The following ALS2CL variants were observed in gnomAD, a reference collection of about 807,000 sequenced individuals.
ALS2CL encodes ALS2 C-terminal-like protein.
In ALS2CL, 112 loss-of-function variants were observed where a neutral mutation model predicts 127.9. The ratio of observed to expected loss-of-function variants is 0.88; its 90% CI spans 0.75 to 1.02. The LOEUF (loss-of-function observed/expected upper bound fraction) is 1.02. Among genes scored for constraint, ALS2CL ranks in the 50% least tolerant of loss-of-function variants. The pLI, the probability that ALS2CL is intolerant of heterozygous loss-of-function variation, is 0.00. For missense variants in ALS2CL, 1,174 were observed against 1,236.7 expected, an observed-to-expected ratio of 0.95 and a Z score of 0.76; for synonymous variants, 519 against 527.6, an observed-to-expected ratio of 0.98 and a Z score of 0.22.
chr3:46,685,843 C>A (rs1699725739), intron 6 of ALS2CL, among the ~76,000 whole-genome samples, 199 bp from the exon 7 acceptor site: 1 of 152,196 alleles, frequency 6.6e-6, no homozygotes. Flanking sequence ...GTGTCCCCTC[C>A]CACACCTCTG....
chr3:46,684,890 G>A (rs922262809), intron 7 of ALS2CL, among the ~76,000 whole-genome samples: 8 of 152,158 alleles, frequency 5.3e-5, no homozygotes, highest in East Asian at 3.9e-4. Flanking sequence ...GCCAGGCCCC[G>A]GCCACCTGTC....
chr3:46,686,630 C>T lies in ALS2CL; in HGVS notation c.535-191G>A, dbSNP rs371334301. Among the ~76,000 whole-genome samples the T allele has an allele frequency of 6.6e-6, 1 of 152,108 alleles. No individual in the cohort carries two copies. The highest frequency in any genetic ancestry group is 1.5e-5 in the Non-Finnish European group (1 of 68,006). The stretch of plus-strand genomic sequence containing the variant: ...CTTCCCCAGCTTGGCCCTGGGCCCA[C>T]GTGTCCTCATTCCCAGGACGTGATT... On this transcript the variant is annotated intron_variant, in intron 5 of 25. Coordinates refer to ENST00000318962, the MANE Select transcript of ALS2CL (RefSeq NM_147129.5). This position sits in a 1 kb window ranked among gnomAD's most constrained non-coding sequence, Gnocchi z 4.3.
Position 46,687,701 on chromosome 3 carries a change from G to GGAC in ALS2CL, c.303-20_303-18dup. On this transcript the variant is annotated splice_polypyrimidine_tract_variant and intron_variant, in intron 3 of 25. Coordinates refer to ENST00000318962, the MANE Select transcript of ALS2CL (RefSeq NM_147129.5). ...TCAATGTACCTGCAGGCAGCACAGGGGACACCCTGCAAACCCAGTCCTCAG... is the reference window on the plus strand; with the variant it reads ...TCAATGTACCTGCAGGCAGCACAGGGGACGACACCCTGCAAACCCAGTCCTCAG... 6.2e-7 allele frequency: 1 copy of GGAC among 1,608,292 alleles called. No homozygotes were observed. Among genetic ancestry groups the GGAC allele is most frequent in the Non-Finnish European group, 8.5e-7 (1 of 1,177,206 alleles).
chr3:46,674,328 C>T (rs920470018), intron 21 of ALS2CL, among the ~76,000 whole-genome samples: 2 of 152,130 alleles, frequency 1.3e-5, no homozygotes, highest in African/African-American at 2.4e-5. Flanking sequence ...GAACCTTGAG[C>T]GGTTGGTGCT....
chr3:46,673,917 G>A (rs564089370), intron 21 of ALS2CL, among the ~76,000 whole-genome samples: 2 of 152,348 alleles, frequency 1.3e-5, no homozygotes, highest in South Asian at 4.1e-4. Context: ...TGTGGGAGCA[G>A]AGACAGTGCC....
chr3:46,687,478 G>T, intron 4 of ALS2CL, 141 bp downstream of exon 4: 1 of 989,060 alleles, frequency 1.0e-6, no homozygotes, highest in Non-Finnish European at 1.5e-6. Flanking sequence ...GTGGATCAGT[G>T]CAGATTTGTA....
intron 19 of ALS2CL, 117 bp downstream of exon 19, chr3:46,676,128 G>C: frequency 2.0e-6 from 3 of 1,473,756 alleles, no homozygotes; most frequent in Non-Finnish European, 2.7e-6. Flanking sequence ...CCAAGCCTCT[G>C]GTTCATTGTT....
At position 46,675,625 on chromosome 3, in the gene ALS2CL, C is replaced by A; in HGVS notation, c.2248G>T (p.Glu750Ter). 6.2e-7 allele frequency: 1 copy of A among 1,613,846 alleles called. No individual in the cohort carries two copies. Among genetic ancestry groups the A allele is most frequent in the Non-Finnish European group, 8.5e-7 (1 of 1,180,002 alleles). The change falls in exon 20 of 26, where the codon GAG (glutamate) becomes TAG (stop). Residue 750 changes from glutamate (E) to a stop codon, truncating the protein, a stop_gained. Transcript: ENST00000318962. LOFTEE classifies it high-confidence loss of function. ...GAGACCTGCGCCAGTCACCTTGTCT[C>A]TGTGTCTTCATCCTCCTCCAGGGCC... is the stretch of plus-strand genomic sequence containing the variant. ...GQALEEDEDT[E>*]TRDLQVHGLV... is the part of the protein sequence containing the mutation.
rs1318510716 is a variant in ALS2CL at position 46,671,559 on chromosome 3, G to A, written c.2710C>T (p.His904Tyr). Reference protein sequence around the residue: ...ARIQHLGAEIHLIRDMMDPNH... With the variant: ...ARIQHLGAEIYLIRDMMDPNH... ...GGGTCCATCATGTCACGGATCAGGTGGATCTCGGCTCCCAGGTGCTGAATT... is the reference window on the plus strand; with the variant it reads ...GGGTCCATCATGTCACGGATCAGGTAGATCTCGGCTCCCAGGTGCTGAATT... Residue 904 changes from histidine to tyrosine, a missense_variant, in exon 25 of 26, where the codon CAC becomes TAC. His to Tyr is a moderately conservative substitution (Grantham distance 83, BLOSUM62 2). Transcript: ENST00000318962. 8 of 1,613,930 alleles carry A rather than the reference G, an allele frequency of 5.0e-6. No homozygotes were observed. Among genetic ancestry groups the A allele is most frequent in the Non-Finnish European group, 6.8e-6 (8 of 1,179,964 alleles).
chr3:46,676,575 T>C, intron 18 of ALS2CL, 67 bp downstream of exon 18: 1 of 1,575,396 alleles, frequency 6.3e-7, no homozygotes, highest in Non-Finnish European at 8.7e-7. Flanking sequence ...CTATGAAAAA[T>C]GGGAGCCCTT....
intron 1 of ALS2CL, among the ~76,000 whole-genome samples, chr3:46,690,882 C>T (rs1209165497): frequency 6.6e-6 from 1 of 152,238 alleles, no homozygotes; most frequent in East Asian, 1.9e-4. Context: ...GAGCCTACAA[C>T]TCCCAGGGAA....
rs190498068 is a variant in ALS2CL at position 46,669,030 on chromosome 3, T to G, written c.*1954A>C. 9.8e-4 allele frequency: 149 copies of G among 151,938 alleles called. No homozygotes were observed. The highest frequency in any genetic ancestry group is 1.7e-3 in the Non-Finnish European group (119 of 68,050). 9.4% of individuals were successfully genotyped at this position (151,938 alleles called of 1,614,324 possible). A position where few individuals can be genotyped will look rare whatever the true frequency, so the allele number is the denominator to read the frequency against. ...ATGCTCTTTTTTATTTATTTTATTTTTATTTTTATTTTTATTTTTGAGGCA... is the reference window on the plus strand; with the variant it reads ...ATGCTCTTTTTTATTTATTTTATTTGTATTTTTATTTTTATTTTTGAGGCA... On this transcript the variant is annotated 3_prime_UTR_variant, in exon 26 of 26. Coordinates refer to ENST00000318962, the MANE Select transcript of ALS2CL (RefSeq NM_147129.5).
In ALS2CL at chr3:46,683,216, G is replaced by A. The variant is rs1699494905; in HGVS notation, c.1023C>T (p.Arg341=). 1 of 1,609,558 alleles carries A rather than the reference G, an allele frequency of 6.2e-7. No homozygotes were observed. ...CTGCCTGGAAGGTATATTCTGCGCA[G>A]CGGCAGTCGGGAGGCTGGGAGGGCT... ...GLEPSQPPDC[R]CAEYTFQAEG... is the part of the protein sequence containing the mutation. Residue 341 remains arginine (R), a synonymous_variant, in exon 10 of 26, where the codon CGC becomes CGT. Transcript: ENST00000318962.
At chr3:46,685,158 G>A (rs533328002) in intron 7 of ALS2CL, among the ~76,000 whole-genome samples, 1 of 152,268 alleles carries the variant, frequency 6.6e-6, no homozygotes, top group African/African-American at 2.4e-5. Flanking sequence ...CTTTCTGTCT[G>A]GGGTTCCTCT....
intron 8 of ALS2CL, 29 bp from the exon 9 acceptor site, chr3:46,683,877 C>G: frequency 1.2e-6 from 2 of 1,613,910 alleles, no homozygotes. Flanking sequence ...TGAGTAGGCC[C>G]CAGCTTTGTC....
In ALS2CL at chr3:46,681,503, C is replaced by T. The variant is rs781170166; in HGVS notation, c.1271G>A (p.Cys424Tyr). The T allele has an allele frequency of 1.9e-6, 3 of 1,614,144 alleles. No homozygotes were observed. The highest frequency in any genetic ancestry group is 1.7e-6 in the Non-Finnish European group (2 of 1,179,992). Residue 424 changes from cysteine to tyrosine, a missense_variant, in exon 12 of 26, where the codon TGT (cysteine) becomes TAT (tyrosine). Coordinates refer to ENST00000318962, the MANE Select transcript of ALS2CL (RefSeq NM_147129.5). The surrounding 1 kb of genome is among the most constrained non-coding windows in gnomAD (Gnocchi z 4.9). ...REGSMCGYGI[C>Y]EYSTDEVYKG... ...CCCCCCAGCCAGGGTCACTTACTCACAGATGCCGTAGCCACACATGCTGCC... is the reference window on the plus strand; with the variant it reads ...CCCCCCAGCCAGGGTCACTTACTCATAGATGCCGTAGCCACACATGCTGCC...
At chr3:46,678,199 G>C in intron 16 of ALS2CL, 60 bp downstream of exon 16, 4 of 1,476,286 alleles carry the variant, frequency 2.7e-6, no homozygotes, top group Non-Finnish European at 3.6e-6. Context: ...CTGAGTCTTT[G>C]GGATGGAAAC....
intron 1 of ALS2CL, among the ~76,000 whole-genome samples, chr3:46,689,803 T>C (rs1273686036): frequency 6.6e-6 from 1 of 152,182 alleles, no homozygotes; most frequent in Non-Finnish European, 1.5e-5. Context: ...GTGCCCAGGA[T>C]AGTATTAGTA....
chr3:46,685,748 C>T, intron 6 of ALS2CL, 104 bp from the exon 7 acceptor site: 1 of 1,472,246 alleles, frequency 6.8e-7, no homozygotes, highest in Admixed American at 2.1e-5. Flanking sequence ...CCCAGAGGCC[C>T]CCTCCAGTAG....
Sources: allele counts gnomAD v4.1 joint callset (sites outside exome capture counted in the v4.1 genomes callset), GRCh38; gene constraint gnomAD v4.1.1; non-coding constraint Gnocchi (gnomAD v3.1); transcripts MANE v1.5; gene names NCBI Gene and HGNC (gene_info 2026-07-23, HGNC 2026-07-21).